CEP72: variants seen among roughly 807,000 people sequenced by gnomAD.
CEP72 encodes the protein centrosomal protein of 72 kDa.
Under a neutral mutation model 65.7 loss-of-function variants are expected in CEP72, and 78 were observed. The ratio of observed to expected loss-of-function variants is 1.19; its 90% CI spans 0.99 to 1.43. The LOEUF (loss-of-function observed/expected upper bound fraction) is 1.43. Among genes scored for constraint, CEP72 ranks in the 40% most tolerant of loss-of-function variants. CEP72 has a pLI of 0.00. For synonymous variants in CEP72, 358 were observed against 351.7 expected, an observed-to-expected ratio of 1.02 and a Z score of -0.20; for missense variants, 914 against 832.9, an observed-to-expected ratio of 1.10 and a Z score of -1.20.
At chr5:626,737 C>G (rs1368872775) in intron 4 of CEP72, among the ~76,000 whole-genome samples, 1 of 152,084 alleles carries the variant, frequency 6.6e-6, no homozygotes, top group Non-Finnish European at 1.5e-5. Flanking sequence ...AGGAAGACCC[C>G]CTGAGCCTGG....
At chr5:648,575 T>C (rs1470722963) in intron 11 of CEP72, among the ~76,000 whole-genome samples, 4 of 106,572 alleles carry the variant, frequency 3.8e-5, no homozygotes, top group Non-Finnish European at 1.9e-5. Flanking sequence ...GACTGTGAGG[T>C]GTGACTGTGA....
rs1021497735 is a variant in CEP72, at chr5:624,847, G to T, written c.512+268G>T. 2.0e-5 allele frequency among the ~76,000 whole-genome samples: 3 copies of T among 152,314 alleles called. No homozygotes were observed. The highest frequency in any genetic ancestry group is 2.9e-5 in the Non-Finnish European group (2 of 68,022). On this transcript the variant is annotated intron_variant, in intron 4 of 11. Transcript: ENST00000264935. The surrounding 1 kb of genome is among the most constrained non-coding windows in gnomAD (Gnocchi z 4.7). ...ATCAACTCAGCAAAGGGCTTGTCCT[G>T]TCCCTTTCCCGGGGCTGGCAGCTCT...
rs1319436998 is a variant in CEP72, at chr5:612,446, G to A, written c.82+3G>A. On this transcript the variant is annotated splice_donor_region_variant and intron_variant, in intron 1 of 11. Transcript: ENST00000264935. ...CTTAGGGCCTCACCGCGACCTGGGT[G>A]CGCCGGAGGGCGGGCGGGGGTGCAA... The A allele has an allele frequency of 2.8e-6, 4 of 1,445,430 alleles. No individual in the cohort carries two copies. Among genetic ancestry groups the A allele is most frequent in the Non-Finnish European group, 3.6e-6 (4 of 1,100,042 alleles). 89.5% of individuals were successfully genotyped at this position (1,445,430 alleles called of 1,614,324 possible). A position where few individuals can be genotyped will look rare whatever the true frequency, so the allele number is the denominator to read the frequency against.
downstream of CEP72, among the ~76,000 whole-genome samples, chr5:668,369 G>A (rs1271406942): frequency 2.9e-5 from 3 of 104,766 alleles, no homozygotes; most frequent in Non-Finnish European, 6.3e-5. Context: ...ACACTGGAGA[G>A]GGGTCCGCGT....
chr5:646,382 A>G (rs146297457), intron 10 of CEP72, among the ~76,000 whole-genome samples: 82 of 152,214 alleles, frequency 5.4e-4, no homozygotes, highest in Non-Finnish European at 1.6e-4. Context: ...CCTTACAGAA[A>G]CTGGGATTTG....
At chr5:669,765 C>T (rs1740135103), downstream of CEP72, among the ~76,000 whole-genome samples, 1 of 152,190 alleles carries the variant, frequency 6.6e-6, no homozygotes, top group East Asian at 1.9e-4. Flanking sequence ...CGGGTCTCTG[C>T]CCCACACGGG....
Position 623,617 on chromosome 5 carries a change from C to T in CEP72, c.404-854C>T, listed in dbSNP as rs927604661. 6.6e-5 allele frequency among the ~76,000 whole-genome samples: 10 copies of T among 150,746 alleles called. No homozygotes were observed. The highest frequency in any genetic ancestry group is 1.3e-4 in the Non-Finnish European group (9 of 67,776). On this transcript the variant is annotated intron_variant, in intron 3 of 11. Coordinates refer to ENST00000264935, the MANE Select transcript of CEP72 (RefSeq NM_018140.4). The surrounding 1 kb of genome is among the most constrained non-coding windows in gnomAD (Gnocchi z 5.3). ...TCTTGGTGGGCAGAGAGCTATGCGT[C>T]GTTAGTGCGGGGCTGGTGAAGGCCG...
rs1221818665 is a variant in CEP72 at position 645,355 on chromosome 5, T to C, written c.1666+930T>C. On this transcript the variant is annotated intron_variant, in intron 10 of 11. Transcript: ENST00000264935. This position sits in a 1 kb window ranked among gnomAD's most constrained non-coding sequence, Gnocchi z 4.0. Reference sequence around the variant, plus strand: ...TCCTTAGAGTCTTCTTTTTTATTTATAAATTTTGCTTTTCTATCTTCTGTT... The same window carrying C: ...TCCTTAGAGTCTTCTTTTTTATTTACAAATTTTGCTTTTCTATCTTCTGTT... Among the ~76,000 whole-genome samples the C allele has an allele frequency of 6.6e-6, 1 of 152,146 alleles. No individual in the cohort carries two copies. The highest frequency in any genetic ancestry group is 1.5e-5 in the Non-Finnish European group (1 of 68,030).
downstream of CEP72, chr5:661,460 CCT>C (rs1461777949): frequency 1.3e-5 from 2 of 152,374 alleles, no homozygotes; most frequent in East Asian, 1.9e-4. Context: ...TGGTGTCACC[CCT>C]GACAGAACCT....
At chr5:672,691 A>C in the CEP72 span, among the ~76,000 whole-genome samples, 4 of 152,156 alleles carry the variant, frequency 2.6e-5, no homozygotes, top group Non-Finnish European at 5.9e-5. Flanking sequence ...AGGCGCTGGG[A>C]GATTCGCTGT....
chr5:628,492 G>T (rs1361566203), intron 4 of CEP72, among the ~76,000 whole-genome samples: 1 of 146,966 alleles, frequency 6.8e-6, no homozygotes, highest in Admixed American at 6.8e-5. Flanking sequence ...TGCCGTCCCT[G>T]GGGAGTGTTC....
intron 4 of CEP72, among the ~76,000 whole-genome samples, chr5:632,141 C>T (rs1180791666): frequency 6.2e-5 from 4 of 64,038 alleles, no homozygotes; most frequent in East Asian, 5.4e-4. Context: ...TGTCCAGCGC[C>T]GGGATTTGGC....
At chr5:634,357 C>T (rs899263795) in intron 5 of CEP72, among the ~76,000 whole-genome samples, 10 of 152,212 alleles carry the variant, frequency 6.6e-5, no homozygotes, top group Admixed American at 2.6e-4. Context: ...AAGGGTGTCT[C>T]GGAGACTCCG....
intron 1 of CEP72, among the ~76,000 whole-genome samples, chr5:614,444 A>AT (rs11350475): frequency 0.034 from 3,208 of 93,804 alleles, 91 homozygotes; most frequent in African/African-American, 0.048. Flanking sequence ...TGACCTGTGA[A>AT]TTTTTTTTTT....
In CEP72 at chr5:635,594, C is replaced by T. The variant is rs1697985; in HGVS notation, c.904+10C>T. On this transcript the variant is annotated intron_variant, in intron 6 of 11. Coordinates refer to ENST00000264935, the MANE Select transcript of CEP72 (RefSeq NM_018140.4). Reference sequence around the variant, plus strand: ...TTCACCCCACACCCAGGTACTTACGCGTGTCTTAGTCTGTTTTCTGTTGCT... The same window carrying T: ...TTCACCCCACACCCAGGTACTTACGTGTGTCTTAGTCTGTTTTCTGTTGCT... 0.23 allele frequency: 373,414 copies of T among 1,594,630 alleles called. 45,666 individuals are homozygous for T. The highest frequency in any genetic ancestry group is 0.4 in the East Asian group (17,938 of 44,746).
chr5:633,469 GT>G (rs199562294), intron 4 of CEP72, among the ~76,000 whole-genome samples: 1,875 of 104,382 alleles, frequency 0.018, 14 homozygotes, highest in South Asian at 0.031. Context: ...CAGTGCCGGG[GT>G]TTGGCCCAGT....
intron 2 of CEP72, chr5:663,950 A>G (rs1739791451): frequency 6.6e-6 from 1 of 152,640 alleles, no homozygotes; most frequent in South Asian, 2.1e-4. Context: ...CCCCAGGTGC[A>G]GACAGGCAAG....
intron 4 of CEP72, among the ~76,000 whole-genome samples, chr5:666,630 G>A (rs1023937783): frequency 4.6e-5 from 7 of 152,322 alleles, no homozygotes; most frequent in East Asian, 3.9e-4. Flanking sequence ...TCCAAAACCC[G>A]CCAGGCGGCC....
chr5:644,823 G>A lies in CEP72; in HGVS notation c.1666+398G>A, dbSNP rs573119195. ...TGAGCCTGTTGCCCAGCGTCTCAGC[G>A]TTACAGATTCAGGTTGCATTTCTGG... On this transcript the variant is annotated intron_variant, in intron 10 of 11. Coordinates refer to ENST00000264935, the MANE Select transcript of CEP72 (RefSeq NM_018140.4). Among the ~76,000 whole-genome samples, 59 of 152,160 alleles carry A rather than the reference G, an allele frequency of 3.9e-4. 1 individual carries two copies. Among genetic ancestry groups the A allele is most frequent in the Non-Finnish European group, 6.9e-4 (47 of 68,020 alleles).
Sources: gnomAD v4.1 joint callset for allele counts (sites outside exome capture counted in the v4.1 genomes callset) on GRCh38, gnomAD v4.1.1 for gene constraint, Gnocchi (gnomAD v3.1) non-coding constraint, MANE v1.5 for transcripts, NCBI Gene and HGNC (gene_info 2026-07-23, HGNC 2026-07-21) for gene names.